Variants in WWP2 observed in about 807,000 individuals in gnomAD.
WWP2 encodes the protein WW domain containing E3 ubiquitin protein ligase 2.
WWP2 carries 57 observed loss-of-function variants against 121.0 expected under a neutral mutation model. The ratio of observed to expected loss-of-function variants is 0.47; its 90% CI spans 0.38 to 0.59. WWP2 has a LOEUF of 0.59. WWP2 is among the 20% of genes least tolerant of loss of function. The probability of loss-of-function intolerance (pLI) is 0.00; values close to 1 mark genes in which losing one functional copy is unlikely to be tolerated. For synonymous variants in WWP2, 449 were observed against 441.3 expected (o/e 1.02, Z -0.22); for missense variants, 962 against 1,158.9 (o/e 0.83, Z 2.47).
At chr16:69,901,482 A>G (rs1024783393) in intron 8 of WWP2, among the ~76,000 whole-genome samples, 8 of 152,058 alleles carry the variant, frequency 5.3e-5, no homozygotes, top group Admixed American at 1.3e-4. Flanking sequence ...GCGCGATCTC[A>G]GCTCATTGCA....
At chr16:69,787,412 A>T (rs112152183) in intron 2 of WWP2, among the ~76,000 whole-genome samples, 11 of 152,184 alleles carry the variant, frequency 7.2e-5, no homozygotes, top group African/African-American at 2.4e-4. Flanking sequence ...AACATAGGGA[A>T]GCCCTGTCTC....
intron 1 of WWP2, among the ~76,000 whole-genome samples, chr16:69,784,027 A>G (rs536358768): frequency 6.7e-5 from 10 of 149,764 alleles, no homozygotes; most frequent in Admixed American, 4.0e-4. Context: ...AGACATTGGG[A>G]GGTCTCCCAG....
chr16:69,788,338 A>G (rs541472196), intron 2 of WWP2: 2 of 152,342 alleles, frequency 1.3e-5, no homozygotes, highest in East Asian at 3.9e-4. Flanking sequence ...AAAAAAATGT[A>G]AGCTGGGTCT....
intron 7 of WWP2, among the ~76,000 whole-genome samples, chr16:69,880,328 T>C (rs2057804829): frequency 6.6e-6 from 1 of 152,156 alleles, no homozygotes; most frequent in Non-Finnish European, 1.5e-5. Context: ...AGAATTTGTT[T>C]CTTGTTTTGA....
intron 4 of WWP2, among the ~76,000 whole-genome samples, chr16:69,811,252 A>G (rs2056386646): frequency 6.6e-6 from 1 of 151,994 alleles, no homozygotes; most frequent in Non-Finnish European, 1.5e-5. Flanking sequence ...AGAATCTCCT[A>G]CTTTCAAGGA....
At chr16:69,786,658 T>C (rs2055798905) in intron 1 of WWP2, among the ~76,000 whole-genome samples, 1 of 150,626 alleles carries the variant, frequency 6.6e-6, no homozygotes, top group Non-Finnish European at 1.5e-5. Flanking sequence ...GCCATGTTGG[T>C]CAGGCTGGTC....
At chr16:69,842,272 A>T in intron 6 of WWP2, 152 bp downstream of exon 6, 1 of 679,874 alleles carries the variant, frequency 1.5e-6, no homozygotes, top group South Asian at 2.0e-5. Context: ...AAGCTAATAG[A>T]GGAGTCCAGA....
intron 2 of WWP2, among the ~76,000 whole-genome samples, chr16:69,793,037 G>T (rs769974344): frequency 4.6e-5 from 7 of 152,068 alleles, no homozygotes; most frequent in Non-Finnish European, 1.0e-4. Context: ...CACCCAGTGG[G>T]TTCTTCTTGC....
At chr16:69,879,612 C>T (rs1190067059) in intron 7 of WWP2, among the ~76,000 whole-genome samples, 1 of 152,148 alleles carries the variant, frequency 6.6e-6, no homozygotes, top group Non-Finnish European at 1.5e-5. Flanking sequence ...TTTGTTTCTC[C>T]ATTCATCTGT....
intron 1 of WWP2, among the ~76,000 whole-genome samples, chr16:69,776,014 G>A (rs2055519101): frequency 6.6e-6 from 1 of 152,166 alleles, no homozygotes; most frequent in Admixed American, 6.6e-5. Flanking sequence ...CTTAAATAGA[G>A]TGTATGCCTT....
chr16:69,906,531 TAC>T lies in WWP2; in HGVS notation c.915-2228_915-2227del, dbSNP rs1459315422. 3.3e-5 allele frequency among the ~76,000 whole-genome samples: 5 copies of T among 152,350 alleles called. No homozygotes were observed. In the East Asian group the frequency reaches 9.6e-4, roughly 29 times the overall value. ...AGAAGTTAGGACTTTTTTCTTCATA[TAC>T]AGTTAGCTCTGCTATAACATATGTG... On this transcript the variant is annotated intron_variant, in intron 8 of 23. Coordinates refer to ENST00000359154, the MANE Select transcript of WWP2 (RefSeq NM_001270454.2).
At chr16:69,838,689 C>T in intron 4 of WWP2, 1 of 983,636 alleles carries the variant, frequency 1.0e-6, no homozygotes, top group Non-Finnish European at 1.2e-6. Flanking sequence ...CCTTCCCATA[C>T]TCCTTGGCTT....
intron 4 of WWP2, among the ~76,000 whole-genome samples, chr16:69,832,978 C>G (rs2056818735): frequency 6.6e-6 from 1 of 152,196 alleles, no homozygotes; most frequent in African/African-American, 2.4e-5. Flanking sequence ...CCTAGCCTCC[C>G]ATGAAGGTGG....
chr16:69,796,020 C>CT (rs796199052), intron 2 of WWP2, among the ~76,000 whole-genome samples: 3,151 of 143,382 alleles, frequency 0.022, 100 homozygotes, highest in African/African-American at 0.07. Context: ...TTTTTTCTTT[C>CT]TTTTTTTTTT....
At chr16:69,855,322 T>C (rs2057291439) in intron 6 of WWP2, among the ~76,000 whole-genome samples, 1 of 152,198 alleles carries the variant, frequency 6.6e-6, no homozygotes, top group Non-Finnish European at 1.5e-5. Context: ...TTCTTAAGTA[T>C]TTTTTAGTTC....
intron 8 of WWP2, among the ~76,000 whole-genome samples, chr16:69,890,228 G>A (rs1301301664): frequency 6.6e-6 from 1 of 151,908 alleles, no homozygotes; most frequent in Non-Finnish European, 1.5e-5. Flanking sequence ...TTATCGGAAG[G>A]CACATGTGAC....
intron 1 of WWP2, among the ~76,000 whole-genome samples, chr16:69,778,154 C>T (rs1486347739): frequency 6.9e-6 from 1 of 144,794 alleles, no homozygotes; most frequent in African/African-American, 2.6e-5. Context: ...TATATACATA[C>T]ACACTCATAC....
At chr16:69,769,479 C>G (rs561061643) in intron 1 of WWP2, among the ~76,000 whole-genome samples, 1 of 151,968 alleles carries the variant, frequency 6.6e-6, no homozygotes, top group African/African-American at 2.4e-5. Flanking sequence ...AATATTGATA[C>G]TGGTGTGTAA....
chr16:69,883,400 G>GCACA (rs59771717), intron 7 of WWP2, among the ~76,000 whole-genome samples: 45,557 of 145,696 alleles, frequency 0.31, 7,152 homozygotes, highest in Admixed American at 0.42. Flanking sequence ...AAGAATGTGC[G>GCACA]CACACACACA....
Sources: allele counts gnomAD v4.1 joint callset (sites outside exome capture counted in the v4.1 genomes callset), GRCh38; gene constraint gnomAD v4.1.1; transcripts MANE v1.5; gene names NCBI Gene and HGNC (gene_info 2026-07-23, HGNC 2026-07-21).